BMAL1: variants seen among roughly 807,000 people sequenced by gnomAD.
BMAL1 encodes basic helix-loop-helix ARNT-like protein 1.
chr11:13,356,228 G>C, the BMAL1 span: 1 of 455,340 alleles, frequency 2.2e-6, no homozygotes, highest in African/African-American at 2.0e-5. Context: ...TTGAAAAGCT[G>C]CCTGGGGCTC....
At chr11:13,351,101 G>A in the BMAL1 span, among the ~76,000 whole-genome samples, 2 of 152,162 alleles carry the variant, frequency 1.3e-5, no homozygotes. Context: ...TAAGGGCTAA[G>A]GACAAAACAT....
chr11:13,297,773 T>C, the BMAL1 span, among the ~76,000 whole-genome samples: 1 of 152,200 alleles, frequency 6.6e-6, no homozygotes, highest in South Asian at 2.1e-4. Flanking sequence ...ATTGGGCAAG[T>C]GACCAGATCT....
chr11:13,363,351 C>T, the BMAL1 span, among the ~76,000 whole-genome samples: 4 of 152,022 alleles, frequency 2.6e-5, no homozygotes, highest in African/African-American at 9.7e-5. Context: ...CAGCTAAATA[C>T]TTCATGTTGG....
chr11:13,342,888 A>C, the BMAL1 span, among the ~76,000 whole-genome samples: 1 of 152,196 alleles, frequency 6.6e-6, no homozygotes, highest in African/African-American at 2.4e-5. Flanking sequence ...TTACTCTCTC[A>C]AACTTAGTTT....
the BMAL1 span, chr11:13,360,573 G>A: frequency 1.5e-6 from 1 of 676,018 alleles, no homozygotes. Flanking sequence ...CTTATTGTTT[G>A]GACAGGCTTC....
the BMAL1 span, among the ~76,000 whole-genome samples, chr11:13,299,553 T>C: frequency 3.3e-5 from 5 of 152,244 alleles, no homozygotes; most frequent in South Asian, 1.0e-3. Flanking sequence ...CCAGGGCAAT[T>C]ACTTTGGCCT....
chr11:13,364,545 G>A, the BMAL1 span, among the ~76,000 whole-genome samples: 6 of 152,202 alleles, frequency 3.9e-5, no homozygotes, highest in Admixed American at 3.3e-4. Context: ...GTATTAGAAC[G>A]AGGGAGGGCT....
the BMAL1 span, among the ~76,000 whole-genome samples, chr11:13,291,805 G>GCACTCTGTATGATACAGAA: frequency 6.6e-6 from 1 of 151,354 alleles, no homozygotes; most frequent in South Asian, 2.1e-4. Flanking sequence ...TAATTGACGT[G>GCACTCTGTATGATACAGAA]TACTCTGTAT....
the BMAL1 span, among the ~76,000 whole-genome samples, chr11:13,385,234 TAA>T: frequency 6.6e-6 from 1 of 152,220 alleles, no homozygotes; most frequent in Non-Finnish European, 1.5e-5. Context: ...ACCTGTAGTA[TAA>T]GAGATTTACT....
the BMAL1 span, among the ~76,000 whole-genome samples, chr11:13,307,328 A>G: frequency 6.6e-6 from 1 of 152,218 alleles, no homozygotes; most frequent in Non-Finnish European, 1.5e-5. Context: ...GTGAATGACA[A>G]GAGGTGTCAA....
the BMAL1 span, among the ~76,000 whole-genome samples, chr11:13,348,972 C>G: frequency 6.6e-6 from 1 of 152,194 alleles, no homozygotes; most frequent in African/African-American, 2.4e-5. Flanking sequence ...CTAAATTTTG[C>G]CATCTCAAGG....
chr11:13,366,883 C>T, the BMAL1 span: 3 of 763,052 alleles, frequency 3.9e-6, no homozygotes, highest in African/African-American at 1.8e-5. Flanking sequence ...TCAGCCTTTC[C>T]AGTCCTACTT....
the BMAL1 span, among the ~76,000 whole-genome samples, chr11:13,332,960 G>C: frequency 7.6e-6 from 1 of 132,086 alleles, no homozygotes; most frequent in Non-Finnish European, 1.7e-5. Flanking sequence ...CATCGATACT[G>C]TCTTTTTTTT....
At chr11:13,325,548 C>T in the BMAL1 span, among the ~76,000 whole-genome samples, 8 of 152,032 alleles carry the variant, frequency 5.3e-5, no homozygotes, top group East Asian at 1.4e-3. Flanking sequence ...CTTACAAACA[C>T]GAACAGGAGC....
At chr11:13,286,325 T>G in the BMAL1 span, among the ~76,000 whole-genome samples, 1 of 152,202 alleles carries the variant, frequency 6.6e-6, no homozygotes, top group Non-Finnish European at 1.5e-5. Flanking sequence ...CTTTATACCT[T>G]TAAGATTTGG....
At chr11:13,360,310 C>G in the BMAL1 span, 3 of 1,570,920 alleles carry the variant, frequency 1.9e-6, no homozygotes, top group East Asian at 2.2e-5. Context: ...TTCTGAATAT[C>G]AAGTATACCA....
chr11:13,375,564 CT>C, the BMAL1 span: 1 of 1,474,104 alleles, frequency 6.8e-7, no homozygotes, highest in African/African-American at 1.4e-5. Context: ...CTGTTTAATA[CT>C]TTGGTCTGAG....
chr11:13,278,291 G>A, the BMAL1 span, among the ~76,000 whole-genome samples: 3 of 152,216 alleles, frequency 2.0e-5, no homozygotes, highest in Non-Finnish European at 4.4e-5. Context: ...GGGGGAGGGG[G>A]CAGCTAGCTG....
the BMAL1 span, among the ~76,000 whole-genome samples, chr11:13,330,656 A>G: frequency 6.6e-6 from 1 of 152,228 alleles, no homozygotes; most frequent in Non-Finnish European, 1.5e-5. Flanking sequence ...CCCTGTCTAA[A>G]TTAGGAGATG....
Sources: allele counts gnomAD v4.1 joint callset (sites outside exome capture counted in the v4.1 genomes callset), GRCh38; gene constraint gnomAD v4.1.1; transcripts MANE v1.5; gene names NCBI Gene and HGNC (gene_info 2026-07-23, HGNC 2026-07-21).